Variants in PTPRK observed in about 807,000 individuals in gnomAD.
PTPRK encodes protein tyrosine phosphatase receptor type K.
PTPRK carries 75 observed loss-of-function variants against 178.0 expected under a neutral mutation model. That is an observed-to-expected ratio of 0.42 (90% CI 0.35 to 0.51). PTPRK has a LOEUF of 0.51. Ranked by LOEUF, PTPRK falls within the 20% of genes least tolerant of loss-of-function variation. The pLI, the probability that PTPRK is intolerant of heterozygous loss-of-function variation, is 0.02. For synonymous variants in PTPRK, 637 were observed against 620.6 expected (o/e 1.03, Z -0.39); for missense variants, 1,441 against 1,797.8 (o/e 0.80, Z 3.59).
chr6:128,030,971 T>A (rs1462388118), intron 13 of PTPRK, among the ~76,000 whole-genome samples: 1 of 152,192 alleles, frequency 6.6e-6, no homozygotes, highest in Non-Finnish European at 1.5e-5. Flanking sequence ...AAAATTACAC[T>A]AAATGACATG....
intron 2 of PTPRK, among the ~76,000 whole-genome samples, chr6:128,374,516 C>T (rs1836747198): frequency 6.6e-6 from 1 of 152,112 alleles, no homozygotes; most frequent in South Asian, 2.1e-4. Context: ...TGTGTCCTTC[C>T]CAGTGCTCAG....
At chr6:128,448,755 G>A (rs1012629) in intron 1 of PTPRK, among the ~76,000 whole-genome samples, 1 of 152,058 alleles carries the variant, frequency 6.6e-6, no homozygotes, top group African/African-American at 2.4e-5. Context: ...TTTAAGAGGG[G>A]TTATCTAACA....
At chr6:128,159,167 A>C (rs1798340967) in intron 7 of PTPRK, among the ~76,000 whole-genome samples, 1 of 151,870 alleles carries the variant, frequency 6.6e-6, no homozygotes, top group Admixed American at 6.6e-5. Context: ...AACAACAAAA[A>C]ACTTCATGCA....
At chr6:128,076,821 G>A (rs1440925541) in intron 11 of PTPRK, among the ~76,000 whole-genome samples, 1 of 152,010 alleles carries the variant, frequency 6.6e-6, no homozygotes, top group Non-Finnish European at 1.5e-5. Flanking sequence ...CACCAGCTAT[G>A]AGCAAATGAT....
chr6:128,168,541 G>A (rs1015258994), intron 7 of PTPRK, among the ~76,000 whole-genome samples: 3 of 152,026 alleles, frequency 2.0e-5, no homozygotes, highest in African/African-American at 7.2e-5. Context: ...GAAGGCAAGG[G>A]AGAATCACCA....
Position 128,245,077 on chromosome 6 carries a change from C to A in PTPRK, c.496-2475G>T, listed in dbSNP as rs1453210435. Among the ~76,000 whole-genome samples the A allele has an allele frequency of 3.3e-5, 5 of 152,138 alleles. No individual in the cohort carries two copies. The East Asian group carries it at 9.6e-4, about 29-fold the overall frequency. On this transcript the variant is annotated intron_variant, in intron 3 of 29. Coordinates refer to ENST00000368226, the MANE Select transcript of PTPRK (RefSeq NM_002844.4). ...TAGACTGTCCCAAGCTACAGTCACA[C>A]ACATACACACACATAAATTGATTTA...
At chr6:128,320,337 A>G (rs1828616537) in intron 3 of PTPRK, among the ~76,000 whole-genome samples, 2 of 152,192 alleles carry the variant, frequency 1.3e-5, no homozygotes, top group Non-Finnish European at 1.5e-5. Flanking sequence ...AACAACTTAG[A>G]AAAAATAACT....
At chr6:128,146,424 ATGTGTGTGTGTGTG>A (rs35899707) in intron 7 of PTPRK, among the ~76,000 whole-genome samples, 10 of 136,000 alleles carry the variant, frequency 7.4e-5, no homozygotes, top group African/African-American at 2.4e-4. Flanking sequence ...GTGTGTGTTT[ATGTGTGTGTGTGTG>A]TGTGTGTGTG....
chr6:128,239,694 T>C (rs1162561937), intron 5 of PTPRK, among the ~76,000 whole-genome samples: 1 of 152,218 alleles, frequency 6.6e-6, no homozygotes, highest in Non-Finnish European at 1.5e-5. Flanking sequence ...TCTTGTAAAT[T>C]CAGTTTTAAA....
intron 7 of PTPRK, among the ~76,000 whole-genome samples, chr6:128,097,903 A>C (rs1324025995): frequency 6.6e-6 from 1 of 152,190 alleles, no homozygotes; most frequent in African/African-American, 2.4e-5. Flanking sequence ...CAACCCTAAA[A>C]AAATGTAATA....
At chr6:128,035,512 T>A (rs1192644010) in intron 13 of PTPRK, among the ~76,000 whole-genome samples, 1 of 152,212 alleles carries the variant, frequency 6.6e-6, no homozygotes, top group Admixed American at 6.5e-5. Context: ...GATTTCACCT[T>A]ATGATCTGCC....
At chr6:128,299,692 C>T (rs1466220699) in intron 3 of PTPRK, among the ~76,000 whole-genome samples, 17 of 152,000 alleles carry the variant, frequency 1.1e-4, no homozygotes, top group African/African-American at 2.7e-4. Context: ...AAACTGGATC[C>T]CTTCCTTACA....
intron 1 of PTPRK, among the ~76,000 whole-genome samples, chr6:128,498,051 A>G (rs73772041): frequency 1.3e-5 from 2 of 152,188 alleles, no homozygotes; most frequent in African/African-American, 2.4e-5. Flanking sequence ...AAAAAAACAA[A>G]AACAAAAGCA....
Position 127,982,914 on chromosome 6 carries a change from C to G in PTPRK, c.3454G>C (p.Val1152Leu). Residue 1152 changes from valine to leucine, a missense_variant, in exon 24 of 30, where the codon GTC (valine) becomes CTC (leucine). This residue lies in a region of PTPRK where 335 missense variants were observed against 512.4 expected (regional missense o/e 0.65). Transcript: ENST00000368226. Reference sequence around the variant, plus strand: ...AAATATGCAGCTTTAAATTCACAGACAGGTATGGCAGTTTCTCCACATAAG... The same window carrying G: ...AAATATGCAGCTTTAAATTCACAGAGAGGTATGGCAGTTTCTCCACATAAG... ...ACLCGETAIP[V>L]CEFKAAYFDM... 3 of 1,612,168 alleles carry G rather than the reference C, an allele frequency of 1.9e-6. No individual in the cohort carries two copies. The highest frequency in any genetic ancestry group is 2.5e-6 in the Non-Finnish European group (3 of 1,178,390).
chr6:128,321,667 C>A, intron 3 of PTPRK: 1 of 623,170 alleles, frequency 1.6e-6, no homozygotes, highest in Non-Finnish European at 2.8e-6. Flanking sequence ...ACAATAAACT[C>A]AAAAAGGCTA....
chr6:128,108,891 C>A (rs75402636), intron 7 of PTPRK, among the ~76,000 whole-genome samples: 1 of 152,086 alleles, frequency 6.6e-6, no homozygotes, highest in African/African-American at 2.4e-5. Context: ...GTTCACATCT[C>A]TTTCTCTGAT....
intron 7 of PTPRK, among the ~76,000 whole-genome samples, chr6:128,108,025 T>C (rs1418583239): frequency 6.6e-6 from 1 of 151,818 alleles, no homozygotes; most frequent in Admixed American, 6.6e-5. Context: ...CATTTGATTA[T>C]GTCCCAGGCC....
chr6:128,105,237 C>G (rs1478416998), intron 7 of PTPRK, among the ~76,000 whole-genome samples: 1 of 151,972 alleles, frequency 6.6e-6, no homozygotes, highest in African/African-American at 2.4e-5. Context: ...GGGTTCGCGC[C>G]ATTCTGCTGC....
intron 1 of PTPRK, 151 bp downstream of exon 1, chr6:128,520,108 T>A: frequency 4.8e-6 from 3 of 627,670 alleles, no homozygotes; most frequent in Non-Finnish European, 7.9e-6. Flanking sequence ...GCACGAACTC[T>A]GGGGACAGCC....
Sources: allele counts gnomAD v4.1 joint callset (sites outside exome capture counted in the v4.1 genomes callset), GRCh38; gene constraint gnomAD v4.1.1; regional missense constraint gnomAD v4.1.1; transcripts MANE v1.5; gene names NCBI Gene and HGNC (gene_info 2026-07-23, HGNC 2026-07-21).